The following MCF2 variants were observed in gnomAD, a reference collection of about 807,000 sequenced individuals.
The protein encoded by MCF2 is MCF.2 cell line derived transforming sequence.
Under a neutral mutation model 82.5 loss-of-function variants are expected in MCF2, and 44 were observed. The observed-to-expected ratio is 0.53, with a 90% CI of 0.42 to 0.69. MCF2 has a LOEUF of 0.69. Ranked by LOEUF, MCF2 falls within the 30% of genes least tolerant of loss-of-function variation. MCF2 has a pLI of 0.00. For synonymous variants in MCF2, 217 were observed against 224.9 expected, an observed-to-expected ratio of 0.96 and a Z score of 0.32; for missense variants, 623 against 663.1, an observed-to-expected ratio of 0.94 and a Z score of 0.66.
chrX:139,582,354 T>C, exon 25 of MCF2: 1 of 771,707 alleles, frequency 1.3e-6, no homozygotes, highest in Non-Finnish European at 2.0e-6. Context: ...TGCGTGTCCA[T>C]TAACCTGAAA....
exon 8 of MCF2, chrX:139,617,540 G>A (rs1569360351): frequency 1.7e-6 from 2 of 1,184,156 alleles, no homozygotes; most frequent in Non-Finnish European, 2.3e-6. Context: ...GCATTTTGAA[G>A]GTCCTGCTGA....
At chrX:139,699,966 T>C (rs970161785) in intron 1 of MCF2, among the ~76,000 whole-genome samples, 2 of 112,023 alleles carry the variant, frequency 1.8e-5, no homozygotes, top group Non-Finnish European at 1.9e-5. Flanking sequence ...TTATTGTTGT[T>C]GAAATAGCTA....
chrX:139,588,907 G>A (rs1603273500), intron 20 of MCF2, among the ~76,000 whole-genome samples: 1 of 109,278 alleles, frequency 9.2e-6, no homozygotes, highest in Non-Finnish European at 1.9e-5. Context: ...TCCAGCCTGA[G>A]CAACAGGGTG....
intron 4 of MCF2, among the ~76,000 whole-genome samples, chrX:139,627,858 T>C (rs758345598): frequency 2.7e-5 from 3 of 111,898 alleles, no homozygotes; most frequent in Non-Finnish European, 3.8e-5. Context: ...CTTTCTTTCC[T>C]TGGACAGAGC....
intron 6 of MCF2, among the ~76,000 whole-genome samples, chrX:139,624,488 A>G (rs1304618561): frequency 2.8e-5 from 3 of 106,887 alleles, no homozygotes; most frequent in Non-Finnish European, 5.8e-5. Flanking sequence ...TACAGTAGCT[A>G]TGATTGTGTC....
intron 1 of MCF2, among the ~76,000 whole-genome samples, chrX:139,680,246 T>C (rs941256677): frequency 8.9e-6 from 1 of 111,964 alleles, no homozygotes; most frequent in Admixed American, 9.5e-5. Flanking sequence ...GCCTAAGCCT[T>C]CTGAGTAGCT....
intron 1 of MCF2, among the ~76,000 whole-genome samples, chrX:139,689,508 T>C (rs756895946): frequency 7.6e-4 from 84 of 110,056 alleles, no homozygotes; most frequent in Non-Finnish European, 1.4e-3. Context: ...GTAAAACCAC[T>C]CAACATGCCT....
At chrX:139,595,795 T>C (rs1930034956) in intron 19 of MCF2, among the ~76,000 whole-genome samples, 1 of 110,434 alleles carries the variant, frequency 9.1e-6, no homozygotes, top group Non-Finnish European at 1.9e-5. Flanking sequence ...GCATTAGATG[T>C]AAAAAAATTC....
chrX:139,692,053 G>A (rs768994241), intron 1 of MCF2: 43 of 1,164,823 alleles, frequency 3.7e-5, no homozygotes, highest in Middle Eastern at 4.7e-4. Context: ...CAGCCATCTG[G>A]GTTCTGGGGC....
At position 139,615,069 on chromosome X, in the gene MCF2, A is replaced by G. The variant is rs746026519; in HGVS notation, c.1192-17T>C. ...CATTTGAACCTGCGAGTTGTATAAG[A>G]ATTATAGGAAATATTTTATGAAATG... On this transcript the variant is annotated splice_polypyrimidine_tract_variant and intron_variant, in intron 9 of 24. Coordinates refer to ENST00000370576, the Ensembl canonical transcript of MCF2. 1.7e-6 allele frequency: 2 copies of G among 1,155,346 alleles called. No homozygotes were observed. Among genetic ancestry groups the G allele is most frequent in the Non-Finnish European group, 1.2e-6 (1 of 849,394 alleles).
chrX:139,593,300 T>C (rs1453708940), intron 19 of MCF2, among the ~76,000 whole-genome samples: 1 of 111,015 alleles, frequency 9.0e-6, no homozygotes, highest in Non-Finnish European at 1.9e-5. Context: ...TTAGTCTTGC[T>C]AGCAGTTTAT....
chrX:139,624,531 CAAA>C (rs763780629), intron 6 of MCF2, among the ~76,000 whole-genome samples: 1 of 47,956 alleles, frequency 2.1e-5, no homozygotes, highest in Non-Finnish European at 4.1e-5. Flanking sequence ...AGAACTGTCT[CAAA>C]AAAAAAAAAA....
chrX:139,639,547 C>T (rs1933440477), intron 1 of MCF2, among the ~76,000 whole-genome samples: 1 of 111,393 alleles, frequency 9.0e-6, no homozygotes, highest in African/African-American at 3.3e-5. Flanking sequence ...TCATCTTTCC[C>T]TCCCAGAGAA....
At chrX:139,692,129 C>T in intron 1 of MCF2, 1 of 1,152,251 alleles carries the variant, frequency 8.7e-7, no homozygotes, top group Non-Finnish European at 1.2e-6. Context: ...GGGGCATGTG[C>T]CTGGCCGCCC....
At chrX:139,651,830 G>C (rs1487160898) in intron 1 of MCF2, 42 bp from the exon 2 acceptor site, 1 of 818,971 alleles carries the variant, frequency 1.2e-6, no homozygotes, top group Non-Finnish European at 1.8e-6. Context: ...ACATGTTAAG[G>C]TACAGCCTTA....
exon 20 of MCF2, chrX:139,589,851 T>G: frequency 8.4e-7 from 1 of 1,195,471 alleles, no homozygotes; most frequent in East Asian, 3.0e-5. Context: ...AATATAAACT[T>G]CTTCCTTTTC....
rs1288083418 is a variant in MCF2 at position 139,634,181 on chromosome X, A to G, written c.52-1727T>C. ...GGAGAATCAGGAGCCATCAGCCTCAAGATGGCAGATTAGAGCATAATAGAG... is the reference window on the plus strand; with the variant it reads ...GGAGAATCAGGAGCCATCAGCCTCAGGATGGCAGATTAGAGCATAATAGAG... On this transcript the variant is annotated intron_variant, in intron 1 of 24. Coordinates refer to ENST00000370576, the Ensembl canonical transcript of MCF2. 3.6e-5 allele frequency among the ~76,000 whole-genome samples: 4 copies of G among 111,856 alleles called. No homozygotes were observed. The Admixed American group carries it at 3.8e-4, about 11-fold the overall frequency.
chrX:139,664,698 A>T (rs1287370702), intron 1 of MCF2, among the ~76,000 whole-genome samples: 2 of 112,413 alleles, frequency 1.8e-5, no homozygotes, highest in Non-Finnish European at 3.8e-5. Context: ...AGTGGAAGAC[A>T]GTAAAGTCCC....
intron 1 of MCF2, among the ~76,000 whole-genome samples, chrX:139,656,594 T>C (rs914023081): frequency 8.9e-6 from 1 of 111,742 alleles, no homozygotes; most frequent in African/African-American, 3.3e-5. Context: ...GGGAAGAAGA[T>C]AACACAGGAA....
Sources: gnomAD v4.1 joint callset for allele counts (sites outside exome capture counted in the v4.1 genomes callset) on GRCh38, gnomAD v4.1.1 for gene constraint, MANE v1.5 for transcripts, NCBI Gene and HGNC (gene_info 2026-07-23, HGNC 2026-07-21) for gene names.